Variants in VPS33B observed in about 807,000 individuals in gnomAD.
The protein encoded by VPS33B is VPS33B late endosome and lysosome associated, also known as vacuolar protein sorting-associated protein 33B.
A neutral mutation model predicts 95.3 loss-of-function variants in VPS33B; 80 were observed. That is an observed-to-expected ratio of 0.84 (90% confidence interval 0.70 to 1.01). The LOEUF is 1.01. Ranked by LOEUF, VPS33B falls within the 50% of genes least tolerant of loss-of-function variation. The pLI is 0.00. For missense variants in VPS33B, 715 were observed against 773.4 expected, an observed-to-expected ratio of 0.92 and a Z score of 0.90; for synonymous variants, 280 against 280.4, an observed-to-expected ratio of 1.00 and a Z score of 0.01.
intron 16 of VPS33B, among the ~76,000 whole-genome samples, chr15:91,004,236 A>AAAG (rs1555458637): frequency 0.11 from 15,953 of 149,424 alleles, 1,293 homozygotes; most frequent in East Asian, 0.4. Flanking sequence ...AAAAAAAAAA[A>AAAG]GAAGAAAAAG....
intron 3 of VPS33B, 98 bp from the exon 4 acceptor site, chr15:91,014,531 C>G (rs2040870590): frequency 7.3e-7 from 1 of 1,360,704 alleles, no homozygotes; most frequent in East Asian, 2.3e-5. Context: ...TTGCCATTTG[C>G]CCTACAGGTC....
Position 91,006,979 on chromosome 15 carries a change from T to G in VPS33B, c.671A>C (p.Glu224Ala). Reference protein sequence around the residue: ...EDGETKGRRPEIGHIFLLDRD... With the variant: ...EDGETKGRRPAIGHIFLLDRD... Reference sequence around the variant, plus strand: ...GTCCAAGAGAAAGATATGTCCAATCTCTGGCCTTCGGCCCTTGGTTTCGCC... The same window carrying G: ...GTCCAAGAGAAAGATATGTCCAATCGCTGGCCTTCGGCCCTTGGTTTCGCC... The change falls in exon 9 of 23, where the codon GAG (glutamate) becomes GCG (alanine). Residue 224 changes from glutamate to alanine, a missense_variant. Physicochemically the swap from Glu to Ala is moderately radical, Grantham distance 107. Coordinates refer to ENST00000333371, the MANE Select transcript of VPS33B (RefSeq NM_018668.5). The surrounding 1 kb of genome is among the most constrained non-coding windows in gnomAD (Gnocchi z 5.4). 6.2e-7 allele frequency: 1 copy of G among 1,614,146 alleles called. No homozygotes were observed. The highest frequency in any genetic ancestry group is 8.5e-7 in the Non-Finnish European group (1 of 1,180,042).
intron 16 of VPS33B, among the ~76,000 whole-genome samples, chr15:91,004,488 A>G (rs990312768): frequency 6.6e-6 from 1 of 152,196 alleles, no homozygotes; most frequent in Non-Finnish European, 1.5e-5. Context: ...TGGGTGACAG[A>G]GCGAGACTCT....
In VPS33B at chr15:91,022,554, C is replaced by G. The variant is rs745306294; in HGVS notation, c.-305G>C. The G allele has an allele frequency of 3.8e-6, 1 of 263,284 alleles. No individual in the cohort carries two copies. Among genetic ancestry groups the G allele is most frequent in the Non-Finnish European group, 7.1e-6 (1 of 140,986 alleles). 16.3% of individuals were successfully genotyped at this position (263,284 alleles called of 1,614,324 possible). A position where few individuals can be genotyped will look rare whatever the true frequency, so the allele number is the denominator to read the frequency against. Reference sequence around the variant, plus strand: ...CACCCCGCAGAGACTCCGCAGCGTACGAGGAGAACCCCGCCTTCTACCAGA... The same window carrying G: ...CACCCCGCAGAGACTCCGCAGCGTAGGAGGAGAACCCCGCCTTCTACCAGA... On this transcript the variant is annotated 5_prime_UTR_variant, in exon 1 of 23. Transcript: ENST00000333371.
Position 91,018,596 on chromosome 15 carries a change from T to C in VPS33B, c.97-711A>G, listed in dbSNP as rs1160721461. Among the ~76,000 whole-genome samples, 1 of 152,066 alleles carries C rather than the reference T, an allele frequency of 6.6e-6. No individual in the cohort carries two copies. The highest frequency in any genetic ancestry group is 1.5e-5 in the Non-Finnish European group (1 of 68,014). ...CATAGGCTGTGTAGTAAGGGGACGATTTTGCCCTCCGAGGGACATTTGGCA... is the reference window on the plus strand; with the variant it reads ...CATAGGCTGTGTAGTAAGGGGACGACTTTGCCCTCCGAGGGACATTTGGCA... On this transcript the variant is annotated intron_variant, in intron 1 of 22. Transcript: ENST00000333371. This position sits in a 1 kb window ranked among gnomAD's most constrained non-coding sequence, Gnocchi z 4.7.
At position 91,005,854 on chromosome 15, in the gene VPS33B, C is replaced by A; in HGVS notation, c.940-70G>T. On this transcript the variant is annotated intron_variant, in intron 12 of 22. Coordinates refer to ENST00000333371, the MANE Select transcript of VPS33B (RefSeq NM_018668.5). The surrounding 1 kb of genome is among the most constrained non-coding windows in gnomAD (Gnocchi z 6.4). ...AGAAACCACCACCCTCCCTCAGTTG[C>A]CATCCATCCATGAGAAAGGACAGGG... 1 of 1,608,142 alleles carries A rather than the reference C, an allele frequency of 6.2e-7. No individual in the cohort carries two copies. Among genetic ancestry groups the A allele is most frequent in the Middle Eastern group, 1.7e-4 (1 of 6,054 alleles).
intron 1 of VPS33B, among the ~76,000 whole-genome samples, chr15:91,020,791 G>C (rs1239460297): frequency 1.3e-5 from 2 of 152,200 alleles, no homozygotes; most frequent in African/African-American, 4.8e-5. Context: ...TGAGGCAGAA[G>C]AATCGCCTGA....
At chr15:91,014,288 A>G in intron 4 of VPS33B, 96 bp downstream of exon 4, 1 of 1,325,700 alleles carries the variant, frequency 7.5e-7, no homozygotes, top group Non-Finnish European at 1.1e-6. Flanking sequence ...GGCCAACTCA[A>G]ACAATTATTT....
rs934917166 is a variant in VPS33B at position 91,009,722 on chromosome 15, TG to T, written c.403+78del. On this transcript the variant is annotated intron_variant, in intron 6 of 22. Transcript: ENST00000333371. This position sits in a 1 kb window ranked among gnomAD's most constrained non-coding sequence, Gnocchi z 4.1. ...GAAGGAGCTGGTGGTGGGGGTGGGG[TG>T]GGGGGGTTGGAGAACAACAACAGTT... 82 of 989,856 alleles carry T rather than the reference TG, an allele frequency of 8.3e-5. No homozygotes were observed. Among genetic ancestry groups the T allele is most frequent in the Admixed American group, 1.3e-4 (4 of 30,806 alleles). The allele number at this position is 989,856 out of a possible 1,614,324, so 61.3% of individuals were successfully genotyped here. A position where few individuals can be genotyped will look rare whatever the true frequency, so the allele number is the denominator to read the frequency against.
chr15:91,009,788 C>A lies in VPS33B; in HGVS notation c.403+13G>T. The A allele has an allele frequency of 1.2e-6, 2 of 1,614,114 alleles. No individual in the cohort carries two copies. Among genetic ancestry groups the A allele is most frequent in the Non-Finnish European group, 1.7e-6 (2 of 1,179,982 alleles). ...TTCTCTTTCCCTTTCCACTCACATT[C>A]ATCTCCTCTCACCTCCATAGATTCC... On this transcript the variant is annotated intron_variant, in intron 6 of 22. Transcript: ENST00000333371. The surrounding 1 kb of genome is among the most constrained non-coding windows in gnomAD (Gnocchi z 4.1).
At position 91,014,559 on chromosome 15, in the gene VPS33B, A is replaced by G. The variant is rs998079001; in HGVS notation, c.240-126T>C. The G allele has an allele frequency of 4.1e-5, 43 of 1,041,934 alleles. No homozygotes were observed. The East Asian group carries it at 4.3e-4, about 10-fold the overall frequency. 64.5% of individuals were successfully genotyped at this position (1,041,934 alleles called of 1,614,324 possible). On this transcript the variant is annotated intron_variant, in intron 3 of 22. Transcript: ENST00000333371. ...TACAGGTCTCATCCTAGCCAAAGCT[A>G]TGCTATTCTCTTGGTCCACCATATA...
rs1871184046 is a variant in VPS33B, at chr15:91,018,907, C to G, written c.97-1022G>C. ...CTCGGCTCACTGCAACCTCCGCCTC[C>G]CGGATTCAAGCAATTCTCTGCCTCA... On this transcript the variant is annotated intron_variant, in intron 1 of 22. Transcript: ENST00000333371. This position sits in a 1 kb window ranked among gnomAD's most constrained non-coding sequence, Gnocchi z 4.7. Among the ~76,000 whole-genome samples the G allele has an allele frequency of 6.6e-6, 1 of 152,016 alleles. No individual in the cohort carries two copies. Among genetic ancestry groups the G allele is most frequent in the African/African-American group, 2.4e-5 (1 of 41,372 alleles).
chr15:91,007,391 G>A lies in VPS33B; in HGVS notation c.603+78C>T. 1 of 1,313,820 alleles carries A rather than the reference G, an allele frequency of 7.6e-7. No individual in the cohort carries two copies. Among genetic ancestry groups the A allele is most frequent in the East Asian group, 2.3e-5 (1 of 43,450 alleles). 81.4% of individuals were successfully genotyped at this position (1,313,820 alleles called of 1,614,324 possible). The stretch of plus-strand genomic sequence containing the variant: ...AAAGAATACACCTCATATCACAGGT[G>A]CCCTTGGATAACCCCAGGAGGGTAC... On this transcript the variant is annotated intron_variant, in intron 8 of 22. Transcript: ENST00000333371. This position sits in a 1 kb window ranked among gnomAD's most constrained non-coding sequence, Gnocchi z 5.3.
rs778351669 is a variant in VPS33B at position 91,007,934 on chromosome 15, A to G, written c.434T>C (p.Leu145Ser). The G allele has an allele frequency of 1.2e-5, 19 of 1,614,102 alleles. No individual in the cohort carries two copies. Among genetic ancestry groups the G allele is most frequent in the Non-Finnish European group, 1.5e-5 (18 of 1,180,048 alleles). The change falls in exon 7 of 23, where the codon TTG (leucine) becomes TCG (serine). Residue 145 changes from leucine (L) to serine (S), a missense_variant. By Grantham distance (145) the Leu-to-Ser change is moderately radical (BLOSUM62 -2). Coordinates refer to ENST00000333371, the MANE Select transcript of VPS33B (RefSeq NM_018668.5). This position sits in a 1 kb window ranked among gnomAD's most constrained non-coding sequence, Gnocchi z 5.3. ...DVSCDEWAFS[L>S]LPLDVDLLSM... ...CAGCAGATCCACATCAAGAGGCAGCAAAGAGAAGGCCCATTCATCACAGCT... is the reference window on the plus strand; with the variant it reads ...CAGCAGATCCACATCAAGAGGCAGCGAAGAGAAGGCCCATTCATCACAGCT...
At chr15:91,016,306 C>T (rs1032376744) in intron 3 of VPS33B, among the ~76,000 whole-genome samples, 4 of 151,134 alleles carry the variant, frequency 2.6e-5, no homozygotes, top group East Asian at 3.9e-4. Context: ...ACGCTGCAGA[C>T]AGCCTTGAAG....
rs1320965556 is a variant in VPS33B at position 91,013,988 on chromosome 15, C to T, written c.290-117G>A. On this transcript the variant is annotated intron_variant, in intron 4 of 22. Coordinates refer to ENST00000333371, the MANE Select transcript of VPS33B (RefSeq NM_018668.5). This position sits in a 1 kb window ranked among gnomAD's most constrained non-coding sequence, Gnocchi z 4.5. ...AATCCCAGCACTTGGGAGGCTGAGG[C>T]GGGTGGATCACCTGAGGTCAGGAGT... 1.0e-5 allele frequency: 13 copies of T among 1,253,018 alleles called. No homozygotes were observed. Among genetic ancestry groups the T allele is most frequent in the African/African-American group, 4.4e-5 (3 of 67,844 alleles). The allele number at this position is 1,253,018 out of a possible 1,614,324, so 77.6% of individuals were successfully genotyped here. A position where few individuals can be genotyped will look rare whatever the true frequency, so the allele number is the denominator to read the frequency against.
chr15:91,015,464 G>A lies in VPS33B; in HGVS notation c.240-1031C>T, dbSNP rs1162439992. Among the ~76,000 whole-genome samples, 1 of 152,024 alleles carries A rather than the reference G, an allele frequency of 6.6e-6. No individual in the cohort carries two copies. Among genetic ancestry groups the A allele is most frequent in the Admixed American group, 6.6e-5 (1 of 15,256 alleles). On this transcript the variant is annotated intron_variant, in intron 3 of 22. Transcript: ENST00000333371. The surrounding 1 kb of genome is among the most constrained non-coding windows in gnomAD (Gnocchi z 4.7). ...GGAGGCCAAGGAGTGCGGATCACCT[G>A]AGGTCAAGAGTTCAAGACCAGCCTG...
rs778784955 is a variant in VPS33B, at chr15:91,005,666, C to T, written c.1030+28G>A. ...TTCCCCAGAGGGACACAGTCACTTCCCCTCACGCCCCTCAAGCTGAAACCT... is the reference window on the plus strand; with the variant it reads ...TTCCCCAGAGGGACACAGTCACTTCTCCTCACGCCCCTCAAGCTGAAACCT... On this transcript the variant is annotated intron_variant, in intron 13 of 22. Transcript: ENST00000333371. This position sits in a 1 kb window ranked among gnomAD's most constrained non-coding sequence, Gnocchi z 6.4. The T allele has an allele frequency of 1.9e-6, 3 of 1,613,456 alleles. No homozygotes were observed. The South Asian group carries it at 3.3e-5, about 18-fold the overall frequency.
intron 2 of VPS33B, among the ~76,000 whole-genome samples, chr15:91,017,363 AT>A (rs1313607600): frequency 3.2e-5 from 1 of 31,436 alleles, no homozygotes; most frequent in African/African-American, 1.5e-4. Flanking sequence ...TCTCTACAAA[AT>A]TAAATATATA....
Sources: gnomAD v4.1 joint callset for allele counts (sites outside exome capture counted in the v4.1 genomes callset) on GRCh38, gnomAD v4.1.1 for gene constraint, Gnocchi (gnomAD v3.1) non-coding constraint, MANE v1.5 for transcripts, NCBI Gene and HGNC (gene_info 2026-07-23, HGNC 2026-07-21) for gene names.